Variants in NRF1 observed in about 807,000 individuals in gnomAD.
The protein encoded by NRF1 is nuclear respiratory factor 1, also known as alpha palindromic-binding protein.
In NRF1, 5 loss-of-function variants were observed where a neutral mutation model predicts 58.5. The ratio of observed to expected loss-of-function variants is 0.09; its 90% confidence interval spans 0.04 to 0.18. The LOEUF (loss-of-function observed/expected upper bound fraction) is 0.18. Ranked by LOEUF, NRF1 falls within the 10% of genes least tolerant of loss-of-function variation. The pLI is 1.00. For missense variants in NRF1, 288 were observed against 657.7 expected, an observed-to-expected ratio of 0.44 and a Z score of 6.15; for synonymous variants, 224 against 246.7, an observed-to-expected ratio of 0.91 and a Z score of 0.86.
At chr7:129,666,209 A>C (rs1158572446) in intron 2 of NRF1, among the ~76,000 whole-genome samples, 1 of 152,248 alleles carries the variant, frequency 6.6e-6, no homozygotes, top group African/African-American at 2.4e-5. Context: ...AATAAAAAGT[A>C]CAGATATGGT....
At chr7:129,688,648 A>C (rs1802494937) in intron 4 of NRF1, among the ~76,000 whole-genome samples, 1 of 152,088 alleles carries the variant, frequency 6.6e-6, no homozygotes, top group South Asian at 2.1e-4. Context: ...CAATCATGGC[A>C]GAAGGGGAAG....
intron 9 of NRF1, among the ~76,000 whole-genome samples, chr7:129,722,637 C>G (rs937422698): frequency 6.6e-6 from 1 of 152,128 alleles, no homozygotes; most frequent in African/African-American, 2.4e-5. Flanking sequence ...TAGGTTGTTG[C>G]TGGTTTTCAG....
intron 8 of NRF1, among the ~76,000 whole-genome samples, chr7:129,713,262 T>C (rs1004463053): frequency 3.3e-5 from 5 of 152,080 alleles, no homozygotes; most frequent in Non-Finnish European, 7.4e-5. Context: ...AGCTAATTTT[T>C]GTATTTTCAG....
At chr7:129,673,922 C>G (rs1016253266) in intron 3 of NRF1, among the ~76,000 whole-genome samples, 3 of 151,928 alleles carry the variant, frequency 2.0e-5, no homozygotes, top group African/African-American at 7.3e-5. Context: ...GGCGGATCAC[C>G]TGAGGTCGGG....
At chr7:129,740,816 C>G (rs1371046243) in intron 10 of NRF1, among the ~76,000 whole-genome samples, 1 of 152,108 alleles carries the variant, frequency 6.6e-6, no homozygotes, top group Admixed American at 6.6e-5. Flanking sequence ...CGTTTATATG[C>G]CAGGAATTGC....
At chr7:129,710,311 A>G in intron 6 of NRF1, 63 bp from the exon 7 acceptor site, 3 of 1,453,928 alleles carry the variant, frequency 2.1e-6, no homozygotes, top group Non-Finnish European at 1.9e-6. Context: ...CTTATTGCAT[A>G]TTGGGACTAA....
chr7:129,662,582 A>G (rs1311047503), intron 2 of NRF1, among the ~76,000 whole-genome samples: 1 of 152,068 alleles, frequency 6.6e-6, no homozygotes, highest in Admixed American at 6.6e-5. Flanking sequence ...GTGTACTATT[A>G]TATTTCAATG....
intron 1 of NRF1, among the ~76,000 whole-genome samples, chr7:129,649,689 T>C (rs1214603713): frequency 8.4e-6 from 1 of 118,888 alleles, no homozygotes; most frequent in Non-Finnish European, 1.6e-5. Context: ...GTAGCAGCTC[T>C]TCTGTACCAG....
At chr7:129,665,231 C>T (rs1212854929) in intron 2 of NRF1, among the ~76,000 whole-genome samples, 1 of 152,176 alleles carries the variant, frequency 6.6e-6, no homozygotes, top group Non-Finnish European at 1.5e-5. Context: ...TGAGTCAGAC[C>T]ACCCAGGGCC....
chr7:129,691,367 T>TTA (rs1562971894), intron 5 of NRF1, among the ~76,000 whole-genome samples: 125 of 123,714 alleles, frequency 1.0e-3, no homozygotes, highest in African/African-American at 4.0e-3. Context: ...TATTATTATT[T>TTA]TTTTTTTTTT....
At chr7:129,712,506 G>T (rs915556856) in intron 8 of NRF1, among the ~76,000 whole-genome samples, 1 of 152,192 alleles carries the variant, frequency 6.6e-6, no homozygotes, top group Non-Finnish European at 1.5e-5. Context: ...AGCTGGCAAA[G>T]GCCACATGGC....
intron 5 of NRF1, among the ~76,000 whole-genome samples, chr7:129,703,094 G>A (rs890778492): frequency 4.6e-5 from 7 of 152,138 alleles, no homozygotes. Flanking sequence ...AAACCTATCT[G>A]TGGTTTCCAC....
intron 8 of NRF1, among the ~76,000 whole-genome samples, chr7:129,713,446 T>A (rs115395170): frequency 6.6e-6 from 1 of 152,318 alleles, no homozygotes; most frequent in South Asian, 2.1e-4. Context: ...GAACCATCAA[T>A]ATATGTAACA....
intron 10 of NRF1, among the ~76,000 whole-genome samples, chr7:129,731,934 T>A (rs1444514785): frequency 1.3e-5 from 2 of 152,164 alleles, no homozygotes; most frequent in African/African-American, 4.8e-5. Flanking sequence ...TTTTTGAACA[T>A]AGTTATCTCA....
At chr7:129,736,137 T>A (rs778198150) in intron 10 of NRF1, among the ~76,000 whole-genome samples, 27 of 152,208 alleles carry the variant, frequency 1.8e-4, no homozygotes, top group Non-Finnish European at 3.5e-4. Context: ...AGACATTTCT[T>A]TAGGGAAAAA....
intron 3 of NRF1, 61 bp from the exon 4 acceptor site, chr7:129,677,570 CT>C: frequency 6.7e-7 from 1 of 1,497,442 alleles, no homozygotes; most frequent in Middle Eastern, 1.7e-4. Flanking sequence ...TCATTTGTGT[CT>C]ATGTCACTGT....
At chr7:129,645,413 C>G (rs1239940824) in intron 1 of NRF1, among the ~76,000 whole-genome samples, 1 of 152,088 alleles carries the variant, frequency 6.6e-6, no homozygotes, top group African/African-American at 2.4e-5. Flanking sequence ...AGGAGACTCT[C>G]CAGACACTTG....
intron 10 of NRF1, among the ~76,000 whole-genome samples, chr7:129,727,717 G>A (rs183436327): frequency 2.6e-5 from 4 of 152,236 alleles, no homozygotes; most frequent in Admixed American, 2.6e-4. Context: ...GTCCTTTACT[G>A]TAGCAGAGAC....
intron 4 of NRF1, among the ~76,000 whole-genome samples, chr7:129,683,316 TGTGTGAGAGA>T (rs1562969617): frequency 7.1e-6 from 1 of 141,064 alleles, no homozygotes; most frequent in African/African-American, 2.7e-5. Context: ...TGTGTGTGTG[TGTGTGAGAGA>T]GAGAGAGAGA....
Sources: gnomAD v4.1 joint callset for allele counts (sites outside exome capture counted in the v4.1 genomes callset) on GRCh38, gnomAD v4.1.1 for gene constraint, MANE v1.5 for transcripts, NCBI Gene and HGNC (gene_info 2026-07-23, HGNC 2026-07-21) for gene names.